Variants in TET2 observed in about 807,000 individuals in gnomAD.
TET2 encodes the protein methylcytosine dioxygenase TET2.
In TET2, 299 loss-of-function variants were observed where a neutral mutation model predicts 142.9. That is an observed-to-expected ratio of 2.09 (90% CI 1.90 to 2.30). TET2 has a LOEUF of 2.30. Ranked by LOEUF, TET2 falls within the 30% of genes most tolerant of loss-of-function variation. TET2 has a pLI of 0.00. For synonymous variants in TET2, 819 were observed against 849.0 expected, an observed-to-expected ratio of 0.96 and a Z score of 0.61; for missense variants, 2,418 against 2,378.0, an observed-to-expected ratio of 1.02 and a Z score of -0.35.
In TET2 at chr4:105,236,934, C is replaced by G; in HGVS notation, c.2992C>G (p.Pro998Ala). 1 of 1,614,038 alleles carries G rather than the reference C, an allele frequency of 6.2e-7. No individual in the cohort carries two copies. The highest frequency in any genetic ancestry group is 8.5e-7 in the Non-Finnish European group (1 of 1,179,998). ...ACATGCCTGTATGCACACAGCACCA[C>G]CAGAAAACAAAACATGGAAAAAGGT... ...KPHACMHTAP[P>A]ENKTWKKVTK... The change falls in exon 3 of 11, where the codon CCA (proline) becomes GCA (alanine). Residue 998 changes from proline (P) to alanine (A), a missense_variant. Pro to Ala is a conservative substitution (Grantham distance 27). Coordinates refer to ENST00000380013, the MANE Select transcript of TET2 (RefSeq NM_001127208.3).
At chr4:105,239,081 T>TG (rs1553914846) in intron 3 of TET2, 2,760 of 226,074 alleles carry the variant, frequency 0.012, 67 homozygotes, top group East Asian at 0.011. Context: ...TTTGTTTTTT[T>TG]TTTTTGTTTT....
At chr4:105,239,314 G>T (rs1303137580) in intron 3 of TET2, 2 of 239,922 alleles carry the variant, frequency 8.3e-6, no homozygotes, top group Non-Finnish European at 8.8e-6. Flanking sequence ...CCTGTCCTTT[G>T]AAGCAAGGCA....
intron 2 of TET2, among the ~76,000 whole-genome samples, chr4:105,219,838 A>G (rs1727710502): frequency 6.6e-6 from 1 of 152,130 alleles, no homozygotes; most frequent in Admixed American, 6.6e-5. Flanking sequence ...AGTATTTAAT[A>G]GGGCAACCAC....
At chr4:105,238,851 G>A (rs775371180) in intron 3 of TET2, 4 of 238,882 alleles carry the variant, frequency 1.7e-5, no homozygotes, top group East Asian at 6.5e-5. Context: ...TACTTTGCCC[G>A]GATCCATCAG....
At chr4:105,151,508 T>C (rs1354467048) in intron 1 of TET2, among the ~76,000 whole-genome samples, 1 of 150,724 alleles carries the variant, frequency 6.6e-6, no homozygotes, top group African/African-American at 2.4e-5. Flanking sequence ...ATATATAATA[T>C]ATGTAAAAAT....
chr4:105,235,821 C>CT lies in TET2; in HGVS notation c.1880dup (p.Glu628GlyfsTer10). 6.2e-7 allele frequency: 1 copy of CT among 1,614,064 alleles called. No individual in the cohort carries two copies. ...AGCTTACACCCAGAAAACAACACAGCTGGAGCACAAGTCACAAATGTACCA... is the reference window on the plus strand; with the variant it reads ...AGCTTACACCCAGAAAACAACACAGCTTGGAGCACAAGTCACAAATGTACCA... On this transcript the variant is annotated frameshift_variant, in exon 3 of 11. Transcript: ENST00000380013. LOFTEE classifies it high-confidence loss of function.
chr4:105,244,882 G>A (rs1380131114), intron 6 of TET2, among the ~76,000 whole-genome samples: 3 of 152,150 alleles, frequency 2.0e-5, no homozygotes, highest in Non-Finnish European at 4.4e-5. Flanking sequence ...GAGCCGCCGC[G>A]CCTGGCCAGA....
Position 105,237,143 on chromosome 4 carries a change from A to G in TET2, c.3201A>G (p.Arg1067=), listed in dbSNP as rs1447485305. 1.2e-6 allele frequency: 2 copies of G among 1,614,044 alleles called. No individual in the cohort carries two copies. The highest frequency in any genetic ancestry group is 2.7e-5 in the African/African-American group (2 of 74,934). ...EMSGPVTVLT[R]QTTAAELDSH... is the part of the protein sequence containing the mutation. ...CAGGGCCAGTCACAGTTTTGACTAG[A>G]CAAACCACTGCTGCAGAACTTGATA... Residue 1067 remains arginine, a synonymous_variant, in exon 3 of 11, where the codon AGA becomes AGG. Transcript: ENST00000380013.
intron 1 of TET2, among the ~76,000 whole-genome samples, chr4:105,169,411 T>C (rs183734381): frequency 4.6e-5 from 7 of 152,322 alleles, no homozygotes; most frequent in Non-Finnish European, 1.0e-4. Flanking sequence ...CTTAGCCCAC[T>C]TTTTGATAGG....
rs1730448130 is a variant in TET2 at position 105,261,820 on chromosome 4, A to C, written c.4016A>C (p.Lys1339Thr). 1 of 1,548,642 alleles carries C rather than the reference A, an allele frequency of 6.5e-7. No individual in the cohort carries two copies. The highest frequency in any genetic ancestry group is 8.7e-7 in the Non-Finnish European group (1 of 1,145,130). Residue 1339 changes from lysine to threonine, a missense_variant, in exon 8 of 11, where the codon AAA becomes ACA. Physicochemically the swap from Lys to Thr is moderately conservative, Grantham distance 78. Coordinates refer to ENST00000380013, the MANE Select transcript of TET2 (RefSeq NM_001127208.3). ...LSTLMAPTYK[K>T]LAPDAYNNQI... is the part of the protein sequence containing the mutation. ...ACTCTTATGGCACCAACATATAAGA[A>C]ACTTGCACCTGATGCATATAATAAT...
chr4:105,239,740 T>C (rs908487896), intron 3 of TET2: 1 of 230,480 alleles, frequency 4.3e-6, no homozygotes, highest in Non-Finnish European at 8.7e-6. Context: ...GAATTTTTCC[T>C]TTACATTCAC....
intron 4 of TET2, chr4:105,241,938 CT>C (rs11284258): frequency 0.35 from 404,369 of 1,142,722 alleles, 16,689 homozygotes; most frequent in Admixed American, 0.53. Flanking sequence ...TTACAGCTGC[CT>C]TTTTTTTTTT....
intron 10 of TET2, 44 bp downstream of exon 10, chr4:105,272,962 TATATTAAAA>T: frequency 2.1e-6 from 3 of 1,432,206 alleles, no homozygotes; most frequent in Non-Finnish European, 2.8e-6. Flanking sequence ...TGTTGTGTGG[TATATTAAAA>T]ATGAAAATTA....
intron 9 of TET2, among the ~76,000 whole-genome samples, chr4:105,271,266 A>G (rs1376892878): frequency 2.6e-5 from 4 of 152,218 alleles, no homozygotes; most frequent in Non-Finnish European, 4.4e-5. Context: ...AACCACCCCA[A>G]CATCTAAAAT....
intron 1 of TET2, among the ~76,000 whole-genome samples, chr4:105,172,767 A>T (rs1307785284): frequency 6.6e-6 from 1 of 152,234 alleles, no homozygotes; most frequent in Non-Finnish European, 1.5e-5. Flanking sequence ...TTTGTCATAT[A>T]ATGAGAATAC....
chr4:105,264,365 G>A (rs1730591094), intron 8 of TET2, among the ~76,000 whole-genome samples: 1 of 152,100 alleles, frequency 6.6e-6, no homozygotes, highest in Non-Finnish European at 1.5e-5. Context: ...ATAAATGAAT[G>A]AGTCTATGTT....
rs766293309 is a variant in TET2 at position 105,236,573 on chromosome 4, TC to T, written c.2632del (p.Leu878PhefsTer43). 6.2e-7 allele frequency: 1 copy of T among 1,614,122 alleles called. No homozygotes were observed. The highest frequency in any genetic ancestry group is 1.7e-5 in the Admixed American group (1 of 59,988). The stretch of plus-strand genomic sequence containing the variant: ...CAAATAATGTGATCCCAAAGCAAGA[TC>T]TTCTTCACAGGTGCTTTCAAGAACA... ...FPNNVIPKQD[L>X]LHRCFQEQEQ... is the part of the protein sequence containing the mutation. On this transcript the variant is annotated frameshift_variant, in exon 3 of 11. Transcript: ENST00000380013. LOFTEE classifies it high-confidence loss of function.
rs71584291 is a variant in TET2, at chr4:105,209,049, G to GTGTA, written c.-47+18545_-47+18546insGTAT. 2.3e-3 allele frequency among the ~76,000 whole-genome samples: 102 copies of GTGTA among 44,352 alleles called. 2 individuals carry two copies. Among genetic ancestry groups the GTGTA allele is most frequent in the Middle Eastern group, 0.033 (1 of 30 alleles). The allele number at this position is 44,352 out of a possible 152,430, so 29.1% of individuals were successfully genotyped here. A position where few individuals can be genotyped will look rare whatever the true frequency, so the allele number is the denominator to read the frequency against. On this transcript the variant is annotated intron_variant, in intron 2 of 10. Transcript: ENST00000380013. ...AATGAAATAGATGCCTCAAGGCATG[G>GTGTA]TATATATATATATATATATATATAT...
chr4:105,151,040 A>G (rs1723272071), intron 1 of TET2, among the ~76,000 whole-genome samples: 1 of 152,166 alleles, frequency 6.6e-6, no homozygotes, highest in African/African-American at 2.4e-5. Context: ...CAAATTTTGG[A>G]TGGGCGTGGT....
Sources: gnomAD v4.1 joint callset for allele counts (sites outside exome capture counted in the v4.1 genomes callset) on GRCh38, gnomAD v4.1.1 for gene constraint, MANE v1.5 for transcripts, NCBI Gene and HGNC (gene_info 2026-07-23, HGNC 2026-07-21) for gene names.